CLHC1: variants seen among roughly 807,000 people sequenced by gnomAD.
CLHC1 encodes clathrin heavy chain linker domain-containing protein 1.
A neutral mutation model predicts 69.5 loss-of-function variants in CLHC1; 72 were observed. The observed-to-expected ratio is 1.04, with a 90% CI of 0.86 to 1.26. The LOEUF is 1.26. Ranked by LOEUF, CLHC1 falls within the 50% of genes most tolerant of loss-of-function variation. The pLI, the probability that CLHC1 is intolerant of heterozygous loss-of-function variation, is 0.00. For synonymous variants in CLHC1, 223 were observed against 224.3 expected (o/e 0.99, Z 0.05); for missense variants, 790 against 679.3 (o/e 1.16, Z -1.81).
intron 9 of CLHC1, among the ~76,000 whole-genome samples, chr2:55,192,982 C>T (rs919136988): frequency 1.1e-4 from 17 of 151,452 alleles, no homozygotes; most frequent in Non-Finnish European, 1.9e-4. Context: ...CCTCCGCCTC[C>T]TGGGTTCAAG....
At position 55,172,870 on chromosome 2, in the gene CLHC1, A is replaced by C. The variant is rs894505740; in HGVS notation, c.*2920T>G. Reference sequence around the variant, plus strand: ...TAATTCAGGATTTAGGAAAAGTTCTAAATATTAAAAAAATTTTTTTCATTA... The same window carrying C: ...TAATTCAGGATTTAGGAAAAGTTCTCAATATTAAAAAAATTTTTTTCATTA... On this transcript the variant is annotated 3_prime_UTR_variant, in exon 13 of 13. Coordinates refer to ENST00000401408, the MANE Select transcript of CLHC1 (RefSeq NM_152385.4). 6.6e-6 allele frequency among the ~76,000 whole-genome samples: 1 copy of C among 152,192 alleles called. No homozygotes were observed. Among genetic ancestry groups the C allele is most frequent in the Non-Finnish European group, 1.5e-5 (1 of 68,020 alleles).
At chr2:55,191,000 G>C (rs568509224) in intron 9 of CLHC1, among the ~76,000 whole-genome samples, 1 of 152,090 alleles carries the variant, frequency 6.6e-6, no homozygotes, top group Non-Finnish European at 1.5e-5. Flanking sequence ...ACATATGTAC[G>C]GAAGTACAAA....
At chr2:55,182,705 G>A (rs1323901740) in intron 9 of CLHC1, among the ~76,000 whole-genome samples, 3 of 152,188 alleles carry the variant, frequency 2.0e-5, no homozygotes, top group African/African-American at 7.2e-5. Flanking sequence ...AGTGAGTAAA[G>A]AGAATTAAAG....
chr2:55,213,854 T>C (rs1673235276), intron 4 of CLHC1, among the ~76,000 whole-genome samples: 2 of 152,110 alleles, frequency 1.3e-5, no homozygotes, highest in South Asian at 4.1e-4. Context: ...GAATATGACA[T>C]GGGCAAGTGG....
intron 8 of CLHC1, among the ~76,000 whole-genome samples, 190 bp downstream of exon 8, chr2:55,208,436 G>A (rs1042361966): frequency 9.9e-5 from 15 of 152,106 alleles, no homozygotes; most frequent in Admixed American, 2.0e-4. Context: ...AAAATTTTTC[G>A]GATTTTGGAG....
intron 10 of CLHC1, 139 bp from the exon 11 acceptor site, chr2:55,180,851 T>C (rs1669869518): frequency 8.0e-6 from 5 of 628,910 alleles, no homozygotes; most frequent in Non-Finnish European, 1.4e-5. Context: ...TAATAGGCAA[T>C]TGATTATGTA....
At chr2:55,206,119 C>A in intron 9 of CLHC1, 151 bp downstream of exon 9, 1 of 577,612 alleles carries the variant, frequency 1.7e-6, no homozygotes. Context: ...CTAATCAAAT[C>A]CCTAATGTTA....
At chr2:55,207,273 T>C (rs1041797111) in intron 8 of CLHC1, among the ~76,000 whole-genome samples, 1 of 152,196 alleles carries the variant, frequency 6.6e-6, no homozygotes, top group Non-Finnish European at 1.5e-5. Context: ...CCTCTTCCTA[T>C]GGCAAAAGGT....
At chr2:55,209,165 G>A (rs930086634) in intron 7 of CLHC1, among the ~76,000 whole-genome samples, 20 of 152,140 alleles carry the variant, frequency 1.3e-4, no homozygotes, top group Middle Eastern at 6.8e-3. Context: ...GAGCCACCGT[G>A]CCCGGCCTCC....
rs1246968966 is a variant in CLHC1 at position 55,212,807 on chromosome 2, C to G, written c.366-1G>C. ...GGAATTACTTTCGATAATCCTCATT[C>G]TGGAAAACAGAAAGGCTTTCTTATG... On this transcript the variant is annotated splice_acceptor_variant, in intron 4 of 12. Coordinates refer to ENST00000401408, the MANE Select transcript of CLHC1 (RefSeq NM_152385.4). LOFTEE classifies it high-confidence loss of function. 2 of 1,600,394 alleles carry G rather than the reference C, an allele frequency of 1.2e-6. No individual in the cohort carries two copies. The highest frequency in any genetic ancestry group is 8.6e-7 in the Non-Finnish European group (1 of 1,168,246).
intron 9 of CLHC1, among the ~76,000 whole-genome samples, chr2:55,196,881 C>A (rs760221476): frequency 6.6e-6 from 1 of 152,170 alleles, no homozygotes; most frequent in Non-Finnish European, 1.5e-5. Context: ...AGGAAGAGCA[C>A]CAAGCAGGCT....
chr2:55,181,886 C>A, intron 9 of CLHC1, 142 bp from the exon 10 acceptor site: 1 of 666,566 alleles, frequency 1.5e-6, no homozygotes. Flanking sequence ...TTAACTCATG[C>A]TTATAGATTA....
In CLHC1 at chr2:55,177,587, T is replaced by C; in HGVS notation, c.1564+15A>G. On this transcript the variant is annotated intron_variant, in intron 12 of 12. Transcript: ENST00000401408. ...ACCCACTACTATTTCTCCCACAACA[T>C]TTTATTCTACTTACCTATCCCACCT... The C allele has an allele frequency of 1.9e-6, 3 of 1,561,580 alleles. No homozygotes were observed. The East Asian group carries it at 6.8e-5, about 35-fold the overall frequency.
intron 12 of CLHC1, among the ~76,000 whole-genome samples, chr2:55,176,607 C>G (rs1048625692): frequency 5.3e-5 from 8 of 152,058 alleles, no homozygotes; most frequent in Non-Finnish European, 1.0e-4. Context: ...AGTGATCTAT[C>G]AATTTATGGA....
At chr2:55,192,738 C>A (rs1301901554) in intron 9 of CLHC1, among the ~76,000 whole-genome samples, 1 of 151,934 alleles carries the variant, frequency 6.6e-6, no homozygotes, top group African/African-American at 2.4e-5. Flanking sequence ...AAGTATTTTC[C>A]CAACAAGGTG....
At position 55,208,618 on chromosome 2, in the gene CLHC1, A is replaced by C; in HGVS notation, c.899+8T>G. 2 of 1,557,694 alleles carry C rather than the reference A, an allele frequency of 1.3e-6. No individual in the cohort carries two copies. The highest frequency in any genetic ancestry group is 2.2e-5 in the South Asian group (2 of 88,980). On this transcript the variant is annotated splice_region_variant and intron_variant, in intron 8 of 12. Transcript: ENST00000401408. ...ATTCTGAAAAATTAAAGCTTTTAAA[A>C]TATTTGCCTTTCAATGTAGTGAAGC...
At position 55,206,388 on chromosome 2, in the gene CLHC1, A is replaced by C; in HGVS notation, c.900-12T>G. ...TTAACTCATTAAACCTATAGCCATC[A>C]CATTTTAAAATGCATTATAATGACA... On this transcript the variant is annotated splice_polypyrimidine_tract_variant and intron_variant, in intron 8 of 12. Coordinates refer to ENST00000401408, the MANE Select transcript of CLHC1 (RefSeq NM_152385.4). The C allele has an allele frequency of 4.2e-6, 6 of 1,438,706 alleles. No individual in the cohort carries two copies. The highest frequency in any genetic ancestry group is 5.9e-6 in the Non-Finnish European group (6 of 1,022,636). The allele number at this position is 1,438,706 out of a possible 1,614,324, so 89.1% of individuals were successfully genotyped here. A position where few individuals can be genotyped will look rare whatever the true frequency, so the allele number is the denominator to read the frequency against.
intron 11 of CLHC1, among the ~76,000 whole-genome samples, chr2:55,180,303 A>T (rs994539871): frequency 3.3e-5 from 5 of 152,206 alleles, no homozygotes; most frequent in Admixed American, 2.0e-4. Flanking sequence ...TTGAGGAAAT[A>T]CATAATATTT....
chr2:55,188,988 G>A (rs1670675043), intron 9 of CLHC1, among the ~76,000 whole-genome samples: 1 of 152,034 alleles, frequency 6.6e-6, no homozygotes. Flanking sequence ...ATTTCCTTAA[G>A]ACACAAGTGA....
Sources: gnomAD v4.1 joint callset for allele counts (sites outside exome capture counted in the v4.1 genomes callset) on GRCh38, gnomAD v4.1.1 for gene constraint, MANE v1.5 for transcripts, NCBI Gene and HGNC (gene_info 2026-07-23, HGNC 2026-07-21) for gene names.